Variants in SUMF1 observed in about 807,000 individuals in gnomAD.
SUMF1 encodes sulfatase modifying factor 1.
SUMF1 carries 48 observed loss-of-function variants against 47.6 expected under a neutral mutation model. That is an observed-to-expected ratio of 1.01 (90% CI 0.80 to 1.28). The LOEUF (loss-of-function observed/expected upper bound fraction) is 1.28. SUMF1 is among the 50% of genes most tolerant of loss of function. The pLI, the probability that SUMF1 is intolerant of heterozygous loss-of-function variation, is 0.00. For missense variants in SUMF1, 571 were observed against 485.4 expected (o/e 1.18, Z -1.66); for synonymous variants, 230 against 192.1 (o/e 1.20, Z -1.63).
intron 8 of SUMF1, among the ~76,000 whole-genome samples, chr3:4,263,529 A>G (rs2125026016): frequency 6.6e-6 from 1 of 152,206 alleles, no homozygotes; most frequent in East Asian, 1.9e-4. Flanking sequence ...TAGTATACCG[A>G]ACCAAGAATG....
chr3:4,384,186 T>C (rs17040589), intron 7 of SUMF1, among the ~76,000 whole-genome samples: 15,054 of 152,274 alleles, frequency 0.099, 1,322 homozygotes, highest in African/African-American at 0.24. Context: ...TTTCTTAGTA[T>C]GGCAGATCTG....
intron 8 of SUMF1, among the ~76,000 whole-genome samples, chr3:4,071,979 C>G (rs981183494): frequency 9.2e-5 from 14 of 152,154 alleles, no homozygotes; most frequent in Admixed American, 9.2e-4. Flanking sequence ...GGGTCCCTGA[C>G]CCCTGTGTAC....
chr3:4,295,790 A>G (rs1465376101), intron 8 of SUMF1, among the ~76,000 whole-genome samples: 1 of 152,246 alleles, frequency 6.6e-6, no homozygotes, highest in African/African-American at 2.4e-5. Context: ...GTCTACAATC[A>G]TCAATCCTGG....
At chr3:4,228,491 G>A (rs974052735) in intron 8 of SUMF1, among the ~76,000 whole-genome samples, 2 of 152,108 alleles carry the variant, frequency 1.3e-5, no homozygotes, top group Non-Finnish European at 2.9e-5. Flanking sequence ...CAGCCCCCGT[G>A]GGGCCAATTA....
chr3:4,235,700 T>C (rs1281579621), intron 8 of SUMF1, among the ~76,000 whole-genome samples: 2 of 152,076 alleles, frequency 1.3e-5, no homozygotes, highest in African/African-American at 4.8e-5. Context: ...CCTCATGCCC[T>C]CATATTTCTT....
intron 1 of SUMF1, among the ~76,000 whole-genome samples, chr3:4,462,236 T>C (rs2079831292): frequency 6.6e-6 from 1 of 152,232 alleles, no homozygotes; most frequent in African/African-American, 2.4e-5. Context: ...AGCATTCTTT[T>C]GACCACGGAG....
At chr3:4,063,617 C>A (rs1209007076) in intron 9 of SUMF1, among the ~76,000 whole-genome samples, 3 of 142,620 alleles carry the variant, frequency 2.1e-5, no homozygotes, top group Non-Finnish European at 3.2e-5. Context: ...AGAGAGAGCA[C>A]CTTCAGTCCA....
chr3:4,189,707 G>T (rs1695275326), intron 8 of SUMF1, among the ~76,000 whole-genome samples: 1 of 35,920 alleles, frequency 2.8e-5, no homozygotes, highest in Non-Finnish European at 5.7e-5. Context: ...CTAAAGGAAG[G>T]AGAAGAAAAC....
At chr3:4,323,176 T>C (rs1290999832) in intron 8 of SUMF1, among the ~76,000 whole-genome samples, 1 of 152,200 alleles carries the variant, frequency 6.6e-6, no homozygotes, top group Admixed American at 6.5e-5. Flanking sequence ...GGAATATTGT[T>C]TGGTCATAAT....
In SUMF1 at chr3:4,109,718, G is replaced by A. The variant is rs189345491; in HGVS notation, c.1015-40973C>T. ...ACCCTTTCTTCCAGTTGATCGCATCGGCTCCTGAGGCTTGTGCATTTGTCA... is the reference window on the plus strand; with the variant it reads ...ACCCTTTCTTCCAGTTGATCGCATCAGCTCCTGAGGCTTGTGCATTTGTCA... On this transcript the variant is annotated intron_variant and NMD_transcript_variant, in intron 8 of 12. Transcript: ENST00000448413. Among the ~76,000 whole-genome samples the A allele has an allele frequency of 1.1e-3, 165 of 151,986 alleles. 1 individual carries two copies. Among genetic ancestry groups the A allele is most frequent in the Admixed American group, 6.6e-3 (101 of 15,290 alleles).
At chr3:4,213,015 C>G (rs149861096) in intron 8 of SUMF1, among the ~76,000 whole-genome samples, 172 of 152,174 alleles carry the variant, frequency 1.1e-3, no homozygotes, top group African/African-American at 3.8e-3. Flanking sequence ...AGAACTTCCC[C>G]AACCCAGCAA....
chr3:4,060,711 G>GT (rs1695263880), intron 9 of SUMF1, among the ~76,000 whole-genome samples: 1 of 152,114 alleles, frequency 6.6e-6, no homozygotes, highest in African/African-American at 2.4e-5. Flanking sequence ...AGAAAATTCT[G>GT]TTTTTTCAGA....
At chr3:4,229,393 A>C in intron 8 of SUMF1, 1 of 384,796 alleles carries the variant, frequency 2.6e-6, no homozygotes, top group Non-Finnish European at 5.1e-6. Flanking sequence ...AGAAACCACA[A>C]GAGCATGTCT....
At chr3:4,336,416 T>C (rs1391755070) in intron 8 of SUMF1, among the ~76,000 whole-genome samples, 1 of 152,070 alleles carries the variant, frequency 6.6e-6, no homozygotes, top group East Asian at 1.9e-4. Flanking sequence ...TTACATAAGA[T>C]AAAGTAAGCA....
In SUMF1 at chr3:4,154,163, T is replaced by A. The variant is rs546327380; in HGVS notation, c.1015-85418A>T. On this transcript the variant is annotated intron_variant and NMD_transcript_variant, in intron 8 of 12. Transcript: ENST00000448413. ...CCTGAGCTACATGTGGTAGAATGTG[T>A]GGAGGTATCCAGGAAGTGGGGCAGA... 4.6e-5 allele frequency among the ~76,000 whole-genome samples: 7 copies of A among 151,652 alleles called. No individual in the cohort carries two copies. The South Asian group carries it at 1.5e-3, about 32-fold the overall frequency.
chr3:4,351,580 T>C (rs1465218923), intron 8 of SUMF1, among the ~76,000 whole-genome samples: 1 of 152,208 alleles, frequency 6.6e-6, no homozygotes, highest in Non-Finnish European at 1.5e-5. Context: ...TTGATCATGT[T>C]TTCCAGTGGA....
intron 8 of SUMF1, among the ~76,000 whole-genome samples, chr3:4,268,499 C>CTTT (rs61066874): frequency 3.4e-5 from 4 of 117,310 alleles, no homozygotes; most frequent in African/African-American, 9.4e-5. Flanking sequence ...AAATGTTTTT[C>CTTT]TTTTTTTTTT....
intron 8 of SUMF1, among the ~76,000 whole-genome samples, chr3:4,254,043 G>C (rs1010831172): frequency 6.6e-6 from 1 of 151,188 alleles, no homozygotes; most frequent in Non-Finnish European, 1.5e-5. Context: ...CAGACCTGCA[G>C]CTGAGGGTCC....
At chr3:4,055,466 TTAAA>T (rs1695175311) in intron 9 of SUMF1, among the ~76,000 whole-genome samples, 1 of 152,126 alleles carries the variant, frequency 6.6e-6, no homozygotes. Context: ...TTAGTATCTG[TTAAA>T]TTTTTATTTT....
Sources: gnomAD v4.1 joint callset for allele counts (sites outside exome capture counted in the v4.1 genomes callset) on GRCh38, gnomAD v4.1.1 for gene constraint, MANE v1.5 for transcripts, NCBI Gene and HGNC (gene_info 2026-07-23, HGNC 2026-07-21) for gene names.